Variants in KAZN observed in about 807,000 individuals in gnomAD.
The protein encoded by KAZN is kazrin.
Under a neutral mutation model 87.4 loss-of-function variants are expected in KAZN, and 40 were observed. That is an observed-to-expected ratio of 0.46 (90% confidence interval 0.36 to 0.60). The LOEUF is 0.60. Among genes scored for constraint, KAZN ranks in the 20% least tolerant of loss-of-function variants. The probability of loss-of-function intolerance (pLI) is 0.00; values close to 1 mark genes in which losing one functional copy is unlikely to be tolerated. For missense variants in KAZN, 898 were observed against 1,073.9 expected (o/e 0.84, Z 2.29); for synonymous variants, 466 against 458.3 (o/e 1.02, Z -0.22).
At chr1:14,943,902 T>C (rs1211270983) in intron 1 of KAZN, among the ~76,000 whole-genome samples, 1 of 152,098 alleles carries the variant, frequency 6.6e-6, no homozygotes, top group Admixed American at 6.5e-5. Context: ...TGAAACCCTG[T>C]CTCTACTAAA....
At position 15,094,235 on chromosome 1, in the gene KAZN, G is replaced by A; in HGVS notation, c.1278G>A (p.Glu426=). ...AGAGCCTCAGCCTGTCGGAAGGCGA[G>A]GAGCAGATGGACCGGCTGCAGCAGG... ...TRQSLSLSEG[E]EQMDRLQQVE... is the part of the protein sequence containing the mutation. The change falls in exon 9 of 15, where the codon GAG becomes GAA. Residue 426 remains glutamate (E), a synonymous_variant. Transcript: ENST00000376030. The surrounding 1 kb of genome is among the most constrained non-coding windows in gnomAD (Gnocchi z 4.5). The A allele has an allele frequency of 1.9e-6, 3 of 1,613,986 alleles. No individual in the cohort carries two copies. The highest frequency in any genetic ancestry group is 3.3e-5 in the Admixed American group (2 of 60,032).
At chr1:14,893,849 G>A (rs1654982869) in intron 1 of KAZN, among the ~76,000 whole-genome samples, 1 of 152,192 alleles carries the variant, frequency 6.6e-6, no homozygotes, top group Non-Finnish European at 1.5e-5. Context: ...GGAGCAGACA[G>A]ACTTGCTTAC....
intron 1 of KAZN, among the ~76,000 whole-genome samples, chr1:14,907,700 A>G (rs1656766060): frequency 6.6e-6 from 1 of 152,166 alleles, no homozygotes. Flanking sequence ...TTTCATGAAG[A>G]TGGAAAGGAG....
chr1:14,214,536 A>C (rs1646919834), intron 2 of KAZN, among the ~76,000 whole-genome samples: 1 of 152,258 alleles, frequency 6.6e-6, no homozygotes, highest in African/African-American at 2.4e-5. Context: ...AATAAGTAGC[A>C]AAATATATGA....
At chr1:14,988,456 C>T (rs1377009362) in intron 2 of KAZN, among the ~76,000 whole-genome samples, 1 of 152,226 alleles carries the variant, frequency 6.6e-6, no homozygotes, top group Non-Finnish European at 1.5e-5. Flanking sequence ...TCCACCCGGC[C>T]CAGCCCTGCT....
intron 2 of KAZN, among the ~76,000 whole-genome samples, chr1:14,566,766 G>A (rs984616098): frequency 5.9e-5 from 9 of 152,176 alleles, no homozygotes; most frequent in African/African-American, 1.9e-4. Flanking sequence ...TAAATCTCAT[G>A]AACAAACTTC....
intron 1 of KAZN, among the ~76,000 whole-genome samples, chr1:14,914,143 G>A (rs1462296286): frequency 6.6e-6 from 1 of 152,208 alleles, no homozygotes; most frequent in African/African-American, 2.4e-5. Context: ...CGCCTCCTGG[G>A]TTTCTGATTC....
At chr1:14,216,160 C>T (rs1343630578) in intron 2 of KAZN, among the ~76,000 whole-genome samples, 3 of 151,960 alleles carry the variant, frequency 2.0e-5, no homozygotes, top group Non-Finnish European at 1.5e-5. Flanking sequence ...CAAGGGCCCA[C>T]ATTATATCAG....
At chr1:14,038,648 A>G (rs886911207) in intron 1 of KAZN, among the ~76,000 whole-genome samples, 2 of 152,138 alleles carry the variant, frequency 1.3e-5, no homozygotes, top group Non-Finnish European at 2.9e-5. Context: ...CACTGAAGAG[A>G]GTCCTCGGGA....
intron 1 of KAZN, among the ~76,000 whole-genome samples, chr1:14,855,459 C>T (rs1649984207): frequency 6.6e-6 from 1 of 152,218 alleles, no homozygotes; most frequent in Non-Finnish European, 1.5e-5. Context: ...AGCCTATGCG[C>T]CTCATTCTCT....
intron 1 of KAZN, among the ~76,000 whole-genome samples, chr1:14,835,444 G>T (rs1013028016): frequency 6.6e-6 from 1 of 152,116 alleles, no homozygotes; most frequent in East Asian, 1.9e-4. Context: ...GGTGGGGGCC[G>T]CAATCTGAGT....
At chr1:14,322,621 C>T (rs574724754) in intron 2 of KAZN, among the ~76,000 whole-genome samples, 1 of 152,290 alleles carries the variant, frequency 6.6e-6, no homozygotes, top group Admixed American at 6.5e-5. Flanking sequence ...ATGCTGTGGA[C>T]ATAAATGGTG....
chr1:14,235,310 A>T (rs533001251), intron 2 of KAZN, among the ~76,000 whole-genome samples: 1 of 152,370 alleles, frequency 6.6e-6, no homozygotes, highest in South Asian at 2.1e-4. Context: ...ATGAACTACT[A>T]TAACATGGAT....
At chr1:14,854,749 C>T (rs974237119) in intron 1 of KAZN, among the ~76,000 whole-genome samples, 4 of 152,094 alleles carry the variant, frequency 2.6e-5, no homozygotes, top group African/African-American at 7.2e-5. Flanking sequence ...CACTGGGGAT[C>T]GAATTTCCAC....
chr1:14,345,468 ATATTT>A (rs1167316529), intron 2 of KAZN, among the ~76,000 whole-genome samples: 1 of 145,882 alleles, frequency 6.9e-6, no homozygotes, highest in Non-Finnish European at 1.5e-5. Context: ...TTTCAATAGC[ATATTT>A]TATTTAGCAC....
intron 1 of KAZN, among the ~76,000 whole-genome samples, chr1:14,124,035 A>G (rs960725021): frequency 1.3e-5 from 2 of 152,192 alleles, no homozygotes; most frequent in Non-Finnish European, 2.9e-5. Context: ...CTACCTTTCT[A>G]TGACGACTTT....
At chr1:13,943,796 A>G (rs189666897) in intron 1 of KAZN, among the ~76,000 whole-genome samples, 157 of 152,342 alleles carry the variant, frequency 1.0e-3, no homozygotes, top group South Asian at 3.5e-3. Flanking sequence ...ACTCAACAGC[A>G]TTAGTCCTTA....
At chr1:14,076,801 C>T (rs551925658) in intron 1 of KAZN, among the ~76,000 whole-genome samples, 1 of 152,148 alleles carries the variant, frequency 6.6e-6, no homozygotes, top group Non-Finnish European at 1.5e-5. Context: ...TTTGCAGGCT[C>T]CTGCTCTCAA....
chr1:14,273,266 C>G (rs1425215054), intron 2 of KAZN, among the ~76,000 whole-genome samples: 1 of 151,728 alleles, frequency 6.6e-6, no homozygotes, highest in Non-Finnish European at 1.5e-5. Flanking sequence ...AGAAATGAAA[C>G]GGAAAGGTAT....
Sources: allele counts gnomAD v4.1 joint callset (sites outside exome capture counted in the v4.1 genomes callset), GRCh38; gene constraint gnomAD v4.1.1; non-coding constraint Gnocchi (gnomAD v3.1); transcripts MANE v1.5; gene names NCBI Gene and HGNC (gene_info 2026-07-23, HGNC 2026-07-21).